SUPT3H: variants seen among roughly 807,000 people sequenced by gnomAD.
SUPT3H encodes the protein SPT3 homolog, SAGA and STAGA complex component, also known as transcription initiation protein SPT3 homolog.
SUPT3H carries 44 observed loss-of-function variants against 44.3 expected under a neutral mutation model. The ratio of observed to expected loss-of-function variants is 0.99; its 90% CI spans 0.78 to 1.28. The LOEUF (loss-of-function observed/expected upper bound fraction) is 1.28. Among genes scored for constraint, SUPT3H ranks in the 50% most tolerant of loss-of-function variants. SUPT3H has a pLI of 0.00. For synonymous variants in SUPT3H, 124 were observed against 125.6 expected, an observed-to-expected ratio of 0.99 and a Z score of 0.09; for missense variants, 380 against 387.1, an observed-to-expected ratio of 0.98 and a Z score of 0.15.
intron 6 of SUPT3H, among the ~76,000 whole-genome samples, chr6:44,970,268 T>C (rs1208118347): frequency 6.6e-6 from 1 of 152,094 alleles, no homozygotes; most frequent in African/African-American, 2.4e-5. Context: ...ATTAAGCCAG[T>C]AATGGGGAAA....
At chr6:44,885,682 A>G (rs1762141749) in intron 10 of SUPT3H, among the ~76,000 whole-genome samples, 1 of 152,182 alleles carries the variant, frequency 6.6e-6, no homozygotes. Context: ...AGAGCAGAAA[A>G]ACTGGAAAGT....
chr6:45,090,540 C>T (rs988684619), intron 3 of SUPT3H, among the ~76,000 whole-genome samples: 1 of 151,782 alleles, frequency 6.6e-6, no homozygotes, highest in Non-Finnish European at 1.5e-5. Flanking sequence ...CTTTTTTATC[C>T]ACCATGATAG....
intron 2 of SUPT3H, among the ~76,000 whole-genome samples, chr6:45,139,875 C>T (rs898194712): frequency 4.6e-5 from 7 of 152,072 alleles, no homozygotes; most frequent in African/African-American, 1.4e-4. Context: ...ATAATTTTGA[C>T]TGGGCACAAA....
At chr6:45,007,674 C>T (rs1403599621) in intron 5 of SUPT3H, among the ~76,000 whole-genome samples, 3 of 151,492 alleles carry the variant, frequency 2.0e-5, no homozygotes, top group Admixed American at 1.3e-4. Flanking sequence ...GCAGATATTA[C>T]GTTCTGTCTT....
intron 2 of SUPT3H, among the ~76,000 whole-genome samples, chr6:45,156,890 T>G (rs1211862301): frequency 6.6e-6 from 1 of 152,038 alleles, no homozygotes; most frequent in Admixed American, 6.6e-5. Context: ...TACCATAATT[T>G]TTATGGTTTT....
At chr6:44,854,945 C>G (rs1773486271) in intron 10 of SUPT3H, among the ~76,000 whole-genome samples, 1 of 152,078 alleles carries the variant, frequency 6.6e-6, no homozygotes, top group Non-Finnish European at 1.5e-5. Flanking sequence ...ATTTCCTTAT[C>G]TAAAAGATAA....
chr6:44,894,827 A>G, intron 10 of SUPT3H, among the ~76,000 whole-genome samples: 1 of 151,896 alleles, frequency 6.6e-6, no homozygotes, highest in African/African-American at 2.4e-5. Flanking sequence ...TGAGTGTTTC[A>G]TAGGGCAATA....
chr6:45,053,554 C>T (rs1411014326), intron 3 of SUPT3H, among the ~76,000 whole-genome samples: 1 of 151,642 alleles, frequency 6.6e-6, no homozygotes, highest in Non-Finnish European at 1.5e-5. Flanking sequence ...AAAGTCCACT[C>T]TCATTTCTCC....
At chr6:45,140,604 A>G (rs1805019447) in intron 2 of SUPT3H, among the ~76,000 whole-genome samples, 2 of 151,876 alleles carry the variant, frequency 1.3e-5, no homozygotes, top group Non-Finnish European at 1.5e-5. Flanking sequence ...CAAAAAAGCC[A>G]GTGCACTAAA....
At chr6:44,849,881 G>A (rs1298094563) in intron 10 of SUPT3H, among the ~76,000 whole-genome samples, 1 of 152,174 alleles carries the variant, frequency 6.6e-6, no homozygotes, top group Non-Finnish European at 1.5e-5. Context: ...ATTTATAAAA[G>A]CGAATTCATA....
chr6:45,221,676 T>TA (rs1766083941), intron 2 of SUPT3H, among the ~76,000 whole-genome samples: 4 of 152,192 alleles, frequency 2.6e-5, no homozygotes, highest in African/African-American at 4.8e-5. Flanking sequence ...ATAAGTTTAA[T>TA]TTAATTCCTA....
At chr6:45,250,383 A>G (rs1365562595) in intron 2 of SUPT3H, among the ~76,000 whole-genome samples, 1 of 151,922 alleles carries the variant, frequency 6.6e-6, no homozygotes, top group Non-Finnish European at 1.5e-5. Flanking sequence ...TAAAACAATA[A>G]AAAATAAAAC....
chr6:45,303,874 T>A (rs1287353539), intron 2 of SUPT3H, among the ~76,000 whole-genome samples: 1 of 151,108 alleles, frequency 6.6e-6, no homozygotes, highest in Non-Finnish European at 1.5e-5. Flanking sequence ...GCGCCTGTAG[T>A]CCCAGCTACT....
intron 2 of SUPT3H, among the ~76,000 whole-genome samples, chr6:45,334,576 C>T (rs1788174341): frequency 6.6e-6 from 1 of 150,670 alleles, no homozygotes; most frequent in South Asian, 2.1e-4. Context: ...CGTGATATTC[C>T]ACAGAACTTC....
chr6:44,919,988 C>T (rs536860664), intron 10 of SUPT3H, among the ~76,000 whole-genome samples: 1 of 152,236 alleles, frequency 6.6e-6, no homozygotes, highest in African/African-American at 2.4e-5. Context: ...AGGCGATTCT[C>T]CTGCCTCAGC....
chr6:44,964,216 A>T (rs2153479133), intron 6 of SUPT3H, among the ~76,000 whole-genome samples: 1 of 152,206 alleles, frequency 6.6e-6, no homozygotes, highest in Middle Eastern at 3.4e-3. Flanking sequence ...AACAAATGCG[A>T]CTGTTTTATT....
intron 1 of SUPT3H, among the ~76,000 whole-genome samples, chr6:45,374,634 C>T (rs549653336): frequency 6.8e-4 from 103 of 152,130 alleles, no homozygotes; most frequent in African/African-American, 2.3e-3. Context: ...AGATTTCTGA[C>T]GGATTTCACT....
intron 2 of SUPT3H, among the ~76,000 whole-genome samples, chr6:45,169,923 G>T (rs190820443): frequency 1.3e-5 from 2 of 152,224 alleles, no homozygotes; most frequent in East Asian, 3.9e-4. Context: ...ATATAAAGAA[G>T]ATGCTAAATA....
At chr6:45,141,474 A>G (rs1198371609) in intron 2 of SUPT3H, among the ~76,000 whole-genome samples, 2 of 151,826 alleles carry the variant, frequency 1.3e-5, no homozygotes, top group Non-Finnish European at 2.9e-5. Flanking sequence ...ATGAAAAATG[A>G]TCCAGAGAAA....
Sources: allele counts gnomAD v4.1 joint callset (sites outside exome capture counted in the v4.1 genomes callset), GRCh38; gene constraint gnomAD v4.1.1; transcripts MANE v1.5; gene names NCBI Gene and HGNC (gene_info 2026-07-23, HGNC 2026-07-21).